STK10: variants seen among roughly 807,000 people sequenced by gnomAD.
STK10 encodes serine/threonine-protein kinase 10.
A neutral mutation model predicts 113.8 loss-of-function variants in STK10; 78 were observed. The observed-to-expected ratio is 0.69, with a 90% confidence interval of 0.57 to 0.83. The LOEUF is 0.83. Ranked by LOEUF, STK10 falls within the 40% of genes least tolerant of loss-of-function variation. The probability of loss-of-function intolerance (pLI) is 0.00; values close to 1 mark genes in which losing one functional copy is unlikely to be tolerated. For synonymous variants in STK10, 465 were observed against 494.7 expected (o/e 0.94, Z 0.80); for missense variants, 1,109 against 1,280.1 (o/e 0.87, Z 2.04).
rs772924447 is a variant in STK10 at position 172,093,506 on chromosome 5, C to A, written c.1460G>T (p.Cys487Phe). 8.7e-6 allele frequency: 14 copies of A among 1,614,122 alleles called. 1 individual carries two copies. Among genetic ancestry groups the A allele is most frequent in the Non-Finnish European group, 7.6e-6 (9 of 1,180,052 alleles). ...GCTCTCAGAGGTGCAGAGGCTGCTG[C>A]AGTCCGAGTCCCTCTTGGAAGGCCC... ...APGPSKRDSD[C>F]SSLCTSESMD... Residue 487 changes from cysteine (C) to phenylalanine (F), a missense_variant, in exon 9 of 19, where the codon TGC becomes TTC. By Grantham distance (205) the Cys-to-Phe change is radical (BLOSUM62 -2). Around this residue, in one of 5 missense-constraint regions of STK10, gnomAD observed 885 missense variants for 991.1 expected, o/e 0.89. Coordinates refer to ENST00000176763, the MANE Select transcript of STK10 (RefSeq NM_005990.4). The surrounding 1 kb of genome is among the most constrained non-coding windows in gnomAD (Gnocchi z 4.1).
chr5:172,136,489 C>A (rs13155933), intron 2 of STK10, among the ~76,000 whole-genome samples: 30,709 of 151,910 alleles, frequency 0.2, 3,231 homozygotes, highest in Non-Finnish European at 0.25. Context: ...CCCAGCTACT[C>A]GGGAGGCTGA....
intron 4 of STK10, chr5:172,114,474 T>TATATATATATATATATATATA (rs55784262): frequency 9.3e-4 from 24 of 25,758 alleles, no homozygotes; most frequent in African/African-American, 1.5e-3. Context: ...TATATATATA[T>TATATATATATATATATATATA]TTTTTTTTTT....
At chr5:172,111,876 A>G (rs1471236813) in intron 4 of STK10, among the ~76,000 whole-genome samples, 1 of 152,380 alleles carries the variant, frequency 6.6e-6, no homozygotes, top group Non-Finnish European at 1.5e-5. Flanking sequence ...GCCTTTACTC[A>G]TATATGTAAA....
Position 172,093,577 on chromosome 5 carries a change from CT to C in STK10, c.1388del (p.Glu463GlyfsTer46). On this transcript the variant is annotated frameshift_variant, in exon 9 of 19. Coordinates refer to ENST00000176763, the MANE Select transcript of STK10 (RefSeq NM_005990.4). LOFTEE classifies it high-confidence loss of function. This position sits in a 1 kb window ranked among gnomAD's most constrained non-coding sequence, Gnocchi z 4.1. ...NSSALETLGG[E>X]KLANGSLEPP... ...GCTCCAGGCTGCCATTGGCCAGCTT[CT>C]CCCCACCCAAGGTCTCCAGGGCGCT... The C allele has an allele frequency of 6.2e-7, 1 of 1,614,218 alleles. No homozygotes were observed. The highest frequency in any genetic ancestry group is 8.5e-7 in the Non-Finnish European group (1 of 1,180,032).
At chr5:172,079,981 T>C (rs925747826) in intron 12 of STK10, among the ~76,000 whole-genome samples, 5 of 152,254 alleles carry the variant, frequency 3.3e-5, no homozygotes, top group Admixed American at 1.3e-4. Context: ...TTTTTACAAA[T>C]TGAAGGTTTG....
At chr5:172,134,887 G>T (rs1315600930) in intron 2 of STK10, among the ~76,000 whole-genome samples, 1 of 151,340 alleles carries the variant, frequency 6.6e-6, no homozygotes, top group African/African-American at 2.4e-5. Flanking sequence ...TTGTGACACT[G>T]CACGCCAGCC....
intron 1 of STK10, among the ~76,000 whole-genome samples, chr5:172,178,397 G>C (rs770783966): frequency 1.3e-5 from 2 of 152,108 alleles, no homozygotes; most frequent in Non-Finnish European, 2.9e-5. Flanking sequence ...GCCGTACCAG[G>C]TGGAAGCTTC....
chr5:172,185,126 A>G (rs1393666171), intron 1 of STK10, among the ~76,000 whole-genome samples: 1 of 152,144 alleles, frequency 6.6e-6, no homozygotes, highest in Admixed American at 6.5e-5. Flanking sequence ...TGACAAGGGG[A>G]AATCTTACCA....
intron 1 of STK10, among the ~76,000 whole-genome samples, chr5:172,173,503 T>A (rs1770697461): frequency 6.6e-6 from 1 of 152,170 alleles, no homozygotes. Flanking sequence ...AGGGCACAAA[T>A]GCTCCACTTC....
In STK10 at chr5:172,093,307, C is replaced by T. The variant is rs1768761887; in HGVS notation, c.1554+105G>A. On this transcript the variant is annotated intron_variant, in intron 9 of 18. Coordinates refer to ENST00000176763, the MANE Select transcript of STK10 (RefSeq NM_005990.4). This position sits in a 1 kb window ranked among gnomAD's most constrained non-coding sequence, Gnocchi z 4.1. ...AAACCCAAAACCCCCTAATGAACCA[C>T]TTAAAATGCAAGGAAGCCCCTAAAT... The T allele has an allele frequency of 7.7e-6, 10 of 1,290,370 alleles. No homozygotes were observed. Among genetic ancestry groups the T allele is most frequent in the Middle Eastern group, 2.5e-4 (1 of 3,980 alleles). The allele number at this position is 1,290,370 out of a possible 1,614,324, so 79.9% of individuals were successfully genotyped here.
intron 2 of STK10, among the ~76,000 whole-genome samples, chr5:172,155,813 G>A (rs567729499): frequency 9.4e-4 from 143 of 152,008 alleles, no homozygotes; most frequent in African/African-American, 3.3e-3. Context: ...TGGCCAACAC[G>A]GCAAAACCCC....
intron 2 of STK10, among the ~76,000 whole-genome samples, chr5:172,132,352 T>A (rs1340952094): frequency 6.8e-6 from 1 of 146,744 alleles, no homozygotes; most frequent in Non-Finnish European, 1.5e-5. Flanking sequence ...TTAATTTTTT[T>A]AATTCAACCT....
chr5:172,066,387 A>G (rs1304229421), intron 12 of STK10, among the ~76,000 whole-genome samples: 1 of 151,950 alleles, frequency 6.6e-6, no homozygotes, highest in East Asian at 1.9e-4. Flanking sequence ...CCAGTAGTGC[A>G]GTAGAAAAGC....
intron 7 of STK10, among the ~76,000 whole-genome samples, chr5:172,097,742 G>C (rs1768891311): frequency 6.6e-6 from 1 of 152,194 alleles, no homozygotes; most frequent in South Asian, 2.1e-4. Context: ...TCTTTGGGTG[G>C]ACATATGTGT....
At chr5:172,046,494 AC>A (rs746825987) in intron 18 of STK10, among the ~76,000 whole-genome samples, 1 of 152,104 alleles carries the variant, frequency 6.6e-6, no homozygotes, top group African/African-American at 2.4e-5. Flanking sequence ...AATAGCTACT[AC>A]TTTTTGAGCA....
chr5:172,108,059 A>G, intron 4 of STK10: 1 of 485,750 alleles, frequency 2.1e-6, no homozygotes, highest in Non-Finnish European at 3.7e-6. Context: ...GAGAGCCTGC[A>G]CTGGCAGCAG....
intron 12 of STK10, among the ~76,000 whole-genome samples, chr5:172,066,045 T>C (rs1768062526): frequency 6.6e-6 from 1 of 152,152 alleles, no homozygotes; most frequent in African/African-American, 2.4e-5. Flanking sequence ...AACCCACACC[T>C]TCACAGGTGC....
At chr5:172,147,816 CAA>C (rs554167820) in intron 2 of STK10, among the ~76,000 whole-genome samples, 18 of 152,270 alleles carry the variant, frequency 1.2e-4, no homozygotes, top group African/African-American at 4.1e-4. Flanking sequence ...AGGAGAAGGT[CAA>C]AGAGAGAGAC....
chr5:172,177,217 C>G (rs973138895), intron 1 of STK10, among the ~76,000 whole-genome samples: 1 of 151,832 alleles, frequency 6.6e-6, no homozygotes, highest in Non-Finnish European at 1.5e-5. Flanking sequence ...GTCCTTCTGT[C>G]CCTCCCACTA....
Sources: allele counts gnomAD v4.1 joint callset (sites outside exome capture counted in the v4.1 genomes callset), GRCh38; gene constraint gnomAD v4.1.1; regional missense constraint gnomAD v4.1.1; non-coding constraint Gnocchi (gnomAD v3.1); transcripts MANE v1.5; gene names NCBI Gene and HGNC (gene_info 2026-07-23, HGNC 2026-07-21).